Variants in USP39 observed in about 807,000 individuals in gnomAD.
USP39 encodes the protein ubiquitin specific peptidase 39.
Under a neutral mutation model 66.4 loss-of-function variants are expected in USP39, and 38 were observed. The ratio of observed to expected loss-of-function variants is 0.57; its 90% CI spans 0.44 to 0.75. USP39 has a LOEUF of 0.75. USP39 is among the 30% of genes least tolerant of loss of function. The probability of loss-of-function intolerance (pLI) is 0.00; values close to 1 mark genes in which losing one functional copy is unlikely to be tolerated. For synonymous variants in USP39, 303 were observed against 274.6 expected (o/e 1.10, Z -1.02); for missense variants, 608 against 714.4 (o/e 0.85, Z 1.70).
Position 85,649,184 on chromosome 2 carries a change from G to GT in USP39, c.*377dup. The GT allele has an allele frequency of 5.1e-6, 1 of 196,188 alleles. No homozygotes were observed. Among genetic ancestry groups the GT allele is most frequent in the Non-Finnish European group, 1.0e-5 (1 of 97,286 alleles). 12.2% of individuals were successfully genotyped at this position (196,188 alleles called of 1,614,324 possible). A position where few individuals can be genotyped will look rare whatever the true frequency, so the allele number is the denominator to read the frequency against. ...GATTCTTGGAGCAAGCAGAAAGCCAGTAACTTCGCTCTGTTAGAGGTGGAG... is the reference window on the plus strand; with the variant it reads ...GATTCTTGGAGCAAGCAGAAAGCCAGTTAACTTCGCTCTGTTAGAGGTGGAG... On this transcript the variant is annotated 3_prime_UTR_variant, in exon 13 of 13. Transcript: ENST00000323701.
At chr2:85,611,679 G>T (rs1046947660), upstream of USP39, 1 of 1,566,116 alleles carries the variant, frequency 6.4e-7, no homozygotes. Flanking sequence ...TCGGTGTCGC[G>T]GCAGGTACAC....
chr2:85,645,156 C>T (rs2104359531), intron 11 of USP39, 73 bp downstream of exon 11: 1 of 1,597,694 alleles, frequency 6.3e-7, no homozygotes, highest in Non-Finnish European at 8.5e-7. Context: ...CAGAGGGCAG[C>T]TCCCTTCAGT....
At chr2:85,642,559 T>C (rs753197722) in intron 10 of USP39, among the ~76,000 whole-genome samples, 16 of 152,208 alleles carry the variant, frequency 1.1e-4, no homozygotes, top group Non-Finnish European at 2.4e-4. Flanking sequence ...ATATAAAAGT[T>C]TGTCCTTCAG....
chr2:85,620,352 T>A (rs1041541228), intron 2 of USP39, among the ~76,000 whole-genome samples: 1 of 151,546 alleles, frequency 6.6e-6, no homozygotes, highest in Non-Finnish European at 1.5e-5. Context: ...GGTGGTGCAC[T>A]CCTGTAGTCC....
intron 5 of USP39, among the ~76,000 whole-genome samples, 169 bp downstream of exon 5, chr2:85,625,860 A>G (rs1367211407): frequency 6.6e-6 from 1 of 151,940 alleles, no homozygotes; most frequent in Non-Finnish European, 1.5e-5. Flanking sequence ...TCTACTAAAA[A>G]TACAAAAATT....
intron 11 of USP39, among the ~76,000 whole-genome samples, chr2:85,647,257 T>C (rs1363142326): frequency 6.6e-6 from 1 of 152,196 alleles, no homozygotes; most frequent in Non-Finnish European, 1.5e-5. Context: ...ATGTCTAGTC[T>C]GTCATTTCTG....
intron 5 of USP39, among the ~76,000 whole-genome samples, chr2:85,626,085 C>T (rs191041223): frequency 1.4e-4 from 21 of 151,782 alleles, no homozygotes; most frequent in Admixed American, 5.3e-4. Flanking sequence ...TTCGGCCAGG[C>T]GCAGTGGCTC....
chr2:85,639,564 C>G, intron 9 of USP39, 173 bp downstream of exon 9: 1 of 567,746 alleles, frequency 1.8e-6, no homozygotes, highest in East Asian at 3.3e-5. Flanking sequence ...AAGCGATTCT[C>G]CTGCCTCAGC....
At chr2:85,628,537 A>C (rs573150443) in intron 5 of USP39, among the ~76,000 whole-genome samples, 3 of 152,160 alleles carry the variant, frequency 2.0e-5, no homozygotes, top group Non-Finnish European at 2.9e-5. Context: ...TCGCATAGGA[A>C]GTTCTCTTTA....
In USP39 at chr2:85,605,603, T is replaced by C. The variant is rs527559848; in HGVS notation, n.226+2522T>C. On this transcript the variant is annotated intron_variant and non_coding_transcript_variant, in intron 1 of 12. Coordinates refer to the USP39 transcript ENST00000459775. Reference sequence around the variant, plus strand: ...AAAATATTTTAAGTAATTGTCAACATTCCATGGTGACTCTCCCCAAAAATC... The same window carrying C: ...AAAATATTTTAAGTAATTGTCAACACTCCATGGTGACTCTCCCCAAAAATC... Among the ~76,000 whole-genome samples, 23 of 152,334 alleles carry C rather than the reference T, an allele frequency of 1.5e-4. No homozygotes were observed. In the South Asian group the frequency reaches 4.6e-3, roughly 30 times the overall value.
At chr2:85,605,297 T>A (rs948097210) in intron 1 of USP39, among the ~76,000 whole-genome samples, 4 of 152,232 alleles carry the variant, frequency 2.6e-5, no homozygotes, top group African/African-American at 9.6e-5. Flanking sequence ...AAATACTGTA[T>A]TTGAAAAGTA....
upstream of USP39, among the ~76,000 whole-genome samples, chr2:85,614,244 G>A (rs539608185): frequency 1.1e-4 from 16 of 152,298 alleles, no homozygotes; most frequent in African/African-American, 3.4e-4. Flanking sequence ...GCCAGGTGTC[G>A]CGGCTTATGC....
chr2:85,648,681 C>T, intron 12 of USP39, 80 bp from the exon 13 acceptor site: 1 of 1,523,448 alleles, frequency 6.6e-7, no homozygotes. Flanking sequence ...TGTCCATGGC[C>T]TGGCACAGAA....
intron 11 of USP39, chr2:85,645,294 T>G (rs1676556943): frequency 2.0e-6 from 1 of 495,804 alleles, no homozygotes; most frequent in South Asian, 2.4e-5. Context: ...TTTTTTTTTT[T>G]GAGACAGGGT....
chr2:85,615,440 A>G (rs1361337398), upstream of USP39, among the ~76,000 whole-genome samples: 1 of 152,226 alleles, frequency 6.6e-6, no homozygotes, highest in Non-Finnish European at 1.5e-5. Flanking sequence ...GCTTCATGGT[A>G]AATCTGCCTT....
upstream of USP39, chr2:85,616,033 T>G (rs979425147): frequency 3.1e-6 from 4 of 1,275,916 alleles, no homozygotes; most frequent in Non-Finnish European, 4.0e-6. Context: ...AGGAAGCCAG[T>G]GCAGGAACAG....
rs143539117 is a variant in USP39 at position 85,630,941 on chromosome 2, A to G, written c.944A>G (p.Lys315Arg). 6.9e-4 allele frequency: 1,107 copies of G among 1,613,962 alleles called. No individual in the cohort carries two copies. Among genetic ancestry groups the G allele is most frequent in the Non-Finnish European group, 8.7e-4 (1,027 of 1,179,906 alleles). ...AGTAAGAAGACTTTTCAGATCACCA[A>G]ACAAGGTAAGAACAAGTCATTCATG... is the stretch of plus-strand genomic sequence containing the variant. ...LCSKKTFQIT[K>R]QGDGVDFLSW... The change falls in exon 6 of 13, where the codon AAA (lysine) becomes AGA (arginine). Residue 315 changes from lysine to arginine, a missense_variant. Transcript: ENST00000323701.
chr2:85,643,885 TCAGGCAGTCTG>T (rs1044092441), intron 10 of USP39, among the ~76,000 whole-genome samples: 1 of 151,978 alleles, frequency 6.6e-6, no homozygotes, highest in Non-Finnish European at 1.5e-5. Flanking sequence ...ACTCCTGAGC[TCAGGCAGTCTG>T]CCCGCCTCGG....
intron 6 of USP39, among the ~76,000 whole-genome samples, chr2:85,633,099 T>G (rs185163986): frequency 6.6e-6 from 1 of 152,184 alleles, no homozygotes; most frequent in East Asian, 1.9e-4. Context: ...GATTATATCC[T>G]GAAAAAAGCT....
Sources: allele counts gnomAD v4.1 joint callset (sites outside exome capture counted in the v4.1 genomes callset), GRCh38; gene constraint gnomAD v4.1.1; transcripts MANE v1.5; gene names NCBI Gene and HGNC (gene_info 2026-07-23, HGNC 2026-07-21).